Variants in TTC39A observed in about 807,000 individuals in gnomAD.
The protein encoded by TTC39A is tetratricopeptide repeat protein 39A.
Under a neutral mutation model 82.3 loss-of-function variants are expected in TTC39A, and 46 were observed. The ratio of observed to expected loss-of-function variants is 0.56; its 90% CI spans 0.44 to 0.71. TTC39A has a LOEUF of 0.71. Among genes scored for constraint, TTC39A ranks in the 30% least tolerant of loss-of-function variants. The pLI is 0.00. For synonymous variants in TTC39A, 254 were observed against 275.2 expected, an observed-to-expected ratio of 0.92 and a Z score of 0.76; for missense variants, 543 against 712.9, an observed-to-expected ratio of 0.76 and a Z score of 2.71.
chr1:51,305,143 G>C lies in TTC39A; in HGVS notation c.592C>G (p.Leu198Val). The change falls in exon 8 of 18, where the codon CTG becomes GTG. Residue 198 changes from leucine to valine, a missense_variant. Transcript: ENST00000680483. ...KLGVGAFNLT[L>V]SMLPTRILRL... ...AGGATCCTAGTAGGAAGCATGGACA[G>C]TGTCTGCAAGAAAGGAGGCAATCAA... The C allele has an allele frequency of 6.2e-7, 1 of 1,613,376 alleles. No homozygotes were observed. Among genetic ancestry groups the C allele is most frequent in the Non-Finnish European group, 8.5e-7 (1 of 1,179,454 alleles).
intron 11 of TTC39A, 72 bp downstream of exon 11, chr1:51,302,283 CAT>C (rs1389354074): frequency 1.9e-6 from 2 of 1,069,870 alleles, no homozygotes; most frequent in East Asian, 3.3e-5. Flanking sequence ...GAGTATGTCA[CAT>C]GTGCCTGACT....
intron 12 of TTC39A, chr1:51,297,442 C>T (rs1169720702): frequency 6.6e-6 from 1 of 152,464 alleles, no homozygotes; most frequent in East Asian, 1.9e-4. Flanking sequence ...TGGTTTCAAA[C>T]TCCTGACCTC....
At chr1:51,306,853 A>ACACCCCCCCCCCCC (rs1644885320) in intron 6 of TTC39A, among the ~76,000 whole-genome samples, 1 of 60,184 alleles carries the variant, frequency 1.7e-5, no homozygotes, top group Non-Finnish European at 3.0e-5. Context: ...TAAGGGACAG[A>ACACCCCCCCCCCCC]CCCCCCCCCC....
chr1:51,289,962 C>G (rs1644139416), intron 16 of TTC39A, 43 bp downstream of exon 16: 23 of 1,552,090 alleles, frequency 1.5e-5, no homozygotes, highest in Non-Finnish European at 2.0e-5. Context: ...ATATTCTACC[C>G]AGGAGACTCA....
At position 51,303,201 on chromosome 1, in the gene TTC39A, A is replaced by C; in HGVS notation, c.655-9T>G. On this transcript the variant is annotated splice_polypyrimidine_tract_variant and intron_variant, in intron 8 of 17. Coordinates refer to ENST00000680483, the MANE Select transcript of TTC39A (RefSeq NM_001297663.2). The stretch of plus-strand genomic sequence containing the variant: ...TGCAGCAGCCCATAGTCCTGAGGGG[A>C]TGGGAGGGTGGGTGAGGCTCCCAGA... 2 of 474,322 alleles carry C rather than the reference A, an allele frequency of 4.2e-6. No homozygotes were observed. The highest frequency in any genetic ancestry group is 4.3e-6 in the Non-Finnish European group (1 of 233,120). 29.4% of individuals were successfully genotyped at this position (474,322 alleles called of 1,614,324 possible). A position where few individuals can be genotyped will look rare whatever the true frequency, so the allele number is the denominator to read the frequency against.
intron 2 of TTC39A, among the ~76,000 whole-genome samples, chr1:51,313,291 C>A (rs1006347094): frequency 2.6e-5 from 4 of 152,178 alleles, no homozygotes; most frequent in African/African-American, 7.2e-5. Flanking sequence ...GCACCCAGTG[C>A]CACCCTCTTG....
chr1:51,294,582 C>T lies in TTC39A; in HGVS notation c.1146-71G>A. 6.3e-7 allele frequency: 1 copy of T among 1,598,876 alleles called. No individual in the cohort carries two copies. Among genetic ancestry groups the T allele is most frequent in the Non-Finnish European group, 8.5e-7 (1 of 1,172,742 alleles). The stretch of plus-strand genomic sequence containing the variant: ...AGAGGGCAGAGGGTCCCCAGCCTAC[C>T]CAGCTATGCTTGGCGCCTCTCTGGG... On this transcript the variant is annotated intron_variant, in intron 13 of 17. Transcript: ENST00000680483. This position sits in a 1 kb window ranked among gnomAD's most constrained non-coding sequence, Gnocchi z 4.3.
At chr1:51,317,484 C>T (rs773358370) in intron 2 of TTC39A, among the ~76,000 whole-genome samples, 2 of 152,098 alleles carry the variant, frequency 1.3e-5, no homozygotes, top group East Asian at 1.9e-4. Context: ...TGCGCTGGCT[C>T]ACGCCTGTAA....
intron 2 of TTC39A, among the ~76,000 whole-genome samples, chr1:51,318,733 C>T (rs1436845837): frequency 2.0e-5 from 3 of 152,154 alleles, no homozygotes; most frequent in South Asian, 2.1e-4. Context: ...CAATTCAGGC[C>T]GCCAGGGCTC....
At chr1:51,342,610 G>A (rs1423162843) in intron 1 of TTC39A, among the ~76,000 whole-genome samples, 3 of 152,226 alleles carry the variant, frequency 2.0e-5, no homozygotes, top group Non-Finnish European at 2.9e-5. Context: ...GGCGAGGGGT[G>A]AGGGTGGAGC....
chr1:51,321,646 TCCTCTCATACAAGA>T lies in TTC39A; in HGVS notation c.146+61_146+74del. ...CCAAAGGCATTTAGTTACACAGGGT[TCCTCTCATACAAGA>T]CCTCTGGTTCTCCCTGACCGTCATG... On this transcript the variant is annotated intron_variant, in intron 2 of 17. Coordinates refer to ENST00000680483, the MANE Select transcript of TTC39A (RefSeq NM_001297663.2). This position sits in a 1 kb window ranked among gnomAD's most constrained non-coding sequence, Gnocchi z 4.6. 1 of 1,373,432 alleles carries T rather than the reference TCCTCTCATACAAGA, an allele frequency of 7.3e-7. No homozygotes were observed. Among genetic ancestry groups the T allele is most frequent in the Admixed American group, 1.9e-5 (1 of 52,080 alleles). The allele number at this position is 1,373,432 out of a possible 1,614,324, so 85.1% of individuals were successfully genotyped here.
At chr1:51,335,150 T>A (rs1645958964), upstream of TTC39A, 1 of 152,298 alleles carries the variant, frequency 6.6e-6, no homozygotes, top group Admixed American at 6.5e-5. Flanking sequence ...TCCTCCCTCA[T>A]TTCCTCCCCA....
At chr1:51,311,586 G>A (rs1645083512) in intron 4 of TTC39A, among the ~76,000 whole-genome samples, 1 of 152,180 alleles carries the variant, frequency 6.6e-6, no homozygotes. Context: ...CAGGGCTCTT[G>A]AGGAGGGTAA....
At chr1:51,296,224 C>A in intron 12 of TTC39A, 54 bp from the exon 13 acceptor site, 2 of 1,523,614 alleles carry the variant, frequency 1.3e-6, no homozygotes, top group Non-Finnish European at 1.8e-6. Flanking sequence ...CAGCCCCAGC[C>A]GGGCTGGAAT....
Position 51,288,237 on chromosome 1 carries a change from G to T in TTC39A, c.1654C>A (p.Arg552=). Residue 552 remains arginine, a synonymous_variant, in exon 18 of 18, where the codon CGA becomes AGA. Coordinates refer to ENST00000680483, the MANE Select transcript of TTC39A (RefSeq NM_001297663.2). The surrounding 1 kb of genome is among the most constrained non-coding windows in gnomAD (Gnocchi z 4.8). ...GCTTGGAGTGTGGCTGCCTGGATTC[G>T]AAAGTGTGTCCTTGACTCCATGGAG... ...NYSMESRTHF[R]IQAATLQAKS... is the part of the protein sequence containing the mutation. 2 of 1,614,016 alleles carry T rather than the reference G, an allele frequency of 1.2e-6. No homozygotes were observed. Among genetic ancestry groups the T allele is most frequent in the South Asian group, 2.2e-5 (2 of 91,086 alleles).
At chr1:51,305,856 T>C (rs1644848055) in intron 7 of TTC39A, 121 bp downstream of exon 7, 4 of 988,264 alleles carry the variant, frequency 4.0e-6, no homozygotes, top group Non-Finnish European at 4.7e-6. Context: ...CACCTCTGGA[T>C]CCTGGTGCCC....
intron 1 of TTC39A, among the ~76,000 whole-genome samples, chr1:51,327,554 G>A (rs986726598): frequency 3.9e-5 from 6 of 152,110 alleles, no homozygotes; most frequent in Non-Finnish European, 7.3e-5. Flanking sequence ...TACCCTCTAT[G>A]AGCCTCCGTT....
At chr1:51,332,082 A>C (rs1326453323), upstream of TTC39A, among the ~76,000 whole-genome samples, 1 of 152,220 alleles carries the variant, frequency 6.6e-6, no homozygotes, top group Non-Finnish European at 1.5e-5. Flanking sequence ...TGTGTGGAAC[A>C]CACCTTCCTC....
rs1313406211 is a variant in TTC39A at position 51,288,521 on chromosome 1, T to G, written c.1611-241A>C. ...TCCTGGGTTCCTAAGCTTGAAGGGG[T>G]GGTTTTAGGGAATAGACCCCTACCC... On this transcript the variant is annotated intron_variant, in intron 17 of 17. Transcript: ENST00000680483. This position sits in a 1 kb window ranked among gnomAD's most constrained non-coding sequence, Gnocchi z 4.8. Among the ~76,000 whole-genome samples the G allele has an allele frequency of 1.3e-5, 2 of 151,764 alleles. No homozygotes were observed. Among genetic ancestry groups the G allele is most frequent in the East Asian group, 3.9e-4 (2 of 5,168 alleles).
Sources: allele counts gnomAD v4.1 joint callset (sites outside exome capture counted in the v4.1 genomes callset), GRCh38; gene constraint gnomAD v4.1.1; non-coding constraint Gnocchi (gnomAD v3.1); transcripts MANE v1.5; gene names NCBI Gene and HGNC (gene_info 2026-07-23, HGNC 2026-07-21).